Variants in VCL observed in about 807,000 individuals in gnomAD.
VCL encodes vinculin, also known as epididymis luminal protein 114.
In VCL, 47 loss-of-function variants were observed where a neutral mutation model predicts 125.7. That is an observed-to-expected ratio of 0.37 (90% CI 0.30 to 0.48). VCL has a LOEUF of 0.48. VCL is among the 20% of genes least tolerant of loss of function. The probability of loss-of-function intolerance (pLI) is 0.99; values close to 1 mark genes in which losing one functional copy is unlikely to be tolerated. For missense variants in VCL, 1,069 were observed against 1,455.5 expected (o/e 0.73, Z 4.32); for synonymous variants, 458 against 514.6 (o/e 0.89, Z 1.49).
At chr10:74,016,232 C>A (rs749028215) in intron 1 of VCL, among the ~76,000 whole-genome samples, 1 of 152,072 alleles carries the variant, frequency 6.6e-6, no homozygotes, top group Non-Finnish European at 1.5e-5. Flanking sequence ...TTAAAATTGT[C>A]ATTTCTTGTT....
At chr10:74,019,991 A>G (rs1185578877) in intron 1 of VCL, among the ~76,000 whole-genome samples, 1 of 151,842 alleles carries the variant, frequency 6.6e-6, no homozygotes, top group Non-Finnish European at 1.5e-5. Context: ...TGAACCCAGG[A>G]CTTGGAGGTT....
intron 1 of VCL, among the ~76,000 whole-genome samples, chr10:73,999,052 C>T (rs1389964612): frequency 1.3e-5 from 2 of 152,336 alleles, no homozygotes; most frequent in African/African-American, 4.8e-5. Flanking sequence ...TTTATGCAGT[C>T]ATTCGTGACC....
intron 8 of VCL, among the ~76,000 whole-genome samples, chr10:74,084,529 C>T (rs975711698): frequency 6.6e-6 from 1 of 151,446 alleles, no homozygotes; most frequent in Non-Finnish European, 1.5e-5. Context: ...TCAGGTGATC[C>T]ACCTGCCTTG....
rs1840150307 is a variant in VCL, at chr10:73,998,165, A to G, written c.-43A>G. 1 of 1,602,194 alleles carries G rather than the reference A, an allele frequency of 6.2e-7. No homozygotes were observed. Among genetic ancestry groups the G allele is most frequent in the Non-Finnish European group, 8.5e-7 (1 of 1,174,524 alleles). On this transcript the variant is annotated 5_prime_UTR_variant, in exon 1 of 22. Coordinates refer to ENST00000211998, the MANE Select transcript of VCL (RefSeq NM_014000.3). The stretch of plus-strand genomic sequence containing the variant: ...GCCGGTTCCCGGCCCCGTGGATCCT[A>G]CTTCTCTGTCGCCCGCGGTTCGCCG...
In VCL at chr10:74,115,035, C is replaced by G. The variant is rs1591720887; in HGVS notation, c.3258+136C>G. ...TATGTGGGATGCACTCAGACTGTCT[C>G]AGGAGGGGAAAGTCTGTGTTGGATA... is the stretch of plus-strand genomic sequence containing the variant. On this transcript the variant is annotated intron_variant, in intron 21 of 21. Transcript: ENST00000211998. 5.5e-6 allele frequency: 5 copies of G among 904,980 alleles called. No individual in the cohort carries two copies. In the East Asian group the frequency reaches 1.1e-4, roughly 19 times the overall value. The allele number at this position is 904,980 out of a possible 1,614,324, so 56.1% of individuals were successfully genotyped here.
chr10:74,062,711 A>T, intron 2 of VCL, among the ~76,000 whole-genome samples: 1 of 151,968 alleles, frequency 6.6e-6, no homozygotes. Flanking sequence ...TAGCCTCCTG[A>T]GTAGCTGGGA....
chr10:74,014,894 G>A (rs1351796666), intron 1 of VCL, among the ~76,000 whole-genome samples: 1 of 152,088 alleles, frequency 6.6e-6, no homozygotes, highest in Non-Finnish European at 1.5e-5. Context: ...CTGCCATGTT[G>A]CCCAAGCTGG....
chr10:74,096,735 A>C (rs969763445), intron 12 of VCL, among the ~76,000 whole-genome samples: 8 of 152,374 alleles, frequency 5.3e-5, no homozygotes, highest in Non-Finnish European at 1.0e-4. Flanking sequence ...TGGATTAAAA[A>C]ATTCCCATTC....
At chr10:74,086,191 G>A (rs1479536005) in intron 8 of VCL, among the ~76,000 whole-genome samples, 1 of 152,134 alleles carries the variant, frequency 6.6e-6, no homozygotes, top group Non-Finnish European at 1.5e-5. Context: ...TAAAGGCGTG[G>A]TTCTTAACCT....
In VCL at chr10:74,044,760, A is replaced by G. The variant is rs181275162; in HGVS notation, c.239+1607A>G. On this transcript the variant is annotated intron_variant, in intron 2 of 21. Transcript: ENST00000211998. ...ATGATGACCCCACTGGTCTATCTAGAGTAGAATGGATAAAATAATCATGGT... is the reference window on the plus strand; with the variant it reads ...ATGATGACCCCACTGGTCTATCTAGGGTAGAATGGATAAAATAATCATGGT... 2.0e-5 allele frequency among the ~76,000 whole-genome samples: 3 copies of G among 152,350 alleles called. No homozygotes were observed. In the East Asian group the frequency reaches 5.8e-4, roughly 29 times the overall value.
chr10:74,075,206 C>T (rs916184092), intron 6 of VCL: 7 of 352,624 alleles, frequency 2.0e-5, no homozygotes, highest in African/African-American at 6.3e-5. Flanking sequence ...AGTATATTCC[C>T]GTGGATGGGA....
chr10:74,034,530 A>G (rs1016976893), intron 1 of VCL, among the ~76,000 whole-genome samples: 3 of 152,208 alleles, frequency 2.0e-5, no homozygotes, highest in African/African-American at 7.2e-5. Context: ...ACTCTACTAG[A>G]GCATGCATTA....
At chr10:74,031,196 C>T (rs116999861) in intron 1 of VCL, among the ~76,000 whole-genome samples, 3,726 of 152,216 alleles carry the variant, frequency 0.024, 55 homozygotes, top group Non-Finnish European at 0.039. Flanking sequence ...AGATATAGCC[C>T]ATTACCCCAC....
intron 13 of VCL, among the ~76,000 whole-genome samples, chr10:74,098,852 T>C (rs1840009399): frequency 6.6e-6 from 1 of 152,208 alleles, no homozygotes; most frequent in African/African-American, 2.4e-5. Context: ...GGCTAGTAGA[T>C]ACATCTAGGT....
intron 7 of VCL, 34 bp downstream of exon 7, chr10:74,082,578 A>G (rs775635065): frequency 1.9e-6 from 3 of 1,604,998 alleles, no homozygotes; most frequent in Non-Finnish European, 2.6e-6. Context: ...TGATCAATAC[A>G]ACGAGAAGCT....
Position 74,074,780 on chromosome 10 carries a change from C to A in VCL, c.660C>A (p.Asn220Lys). Residue 220 changes from asparagine to lysine, a missense_variant, in exon 6 of 22, where the codon AAC becomes AAA. Physicochemically the swap from Asn to Lys is moderately conservative, Grantham distance 94. Coordinates refer to ENST00000211998, the MANE Select transcript of VCL (RefSeq NM_014000.3). ...KIFVTTKNSK[N>K]QGIEEALKNR... ...TTGTAACAACTAAAAACTCAAAAAACCAAGGCATAGAGGAAGCTTTAAAAA... is the reference window on the plus strand; with the variant it reads ...TTGTAACAACTAAAAACTCAAAAAAACAAGGCATAGAGGAAGCTTTAAAAA... The A allele has an allele frequency of 1.2e-6, 2 of 1,613,500 alleles. No individual in the cohort carries two copies. Among genetic ancestry groups the A allele is most frequent in the Non-Finnish European group, 1.7e-6 (2 of 1,179,870 alleles).
chr10:74,090,092 C>T lies in VCL; in HGVS notation c.1246C>T (p.Arg416Trp), dbSNP rs746004026. Reference protein sequence around the residue: ...EQIRGALAEARKIAELCDDPK... With the variant: ...EQIRGALAEAWKIAELCDDPK... ...GATTCGAGGTGCTTTGGCTGAAGCTCGGAAAATAGCAGAATTATGTGATGA... is the reference window on the plus strand; with the variant it reads ...GATTCGAGGTGCTTTGGCTGAAGCTTGGAAAATAGCAGAATTATGTGATGA... Residue 416 changes from arginine (R) to tryptophan (W), a missense_variant, in exon 10 of 22, where the codon CGG (arginine) becomes TGG (tryptophan). Physicochemically the swap from Arg to Trp is moderately radical, Grantham distance 101. Around this residue, in one of 6 missense-constraint regions of VCL, gnomAD observed 760 missense variants for 928.9 expected, o/e 0.82. Coordinates refer to ENST00000211998, the MANE Select transcript of VCL (RefSeq NM_014000.3). 1.1e-5 allele frequency: 18 copies of T among 1,613,958 alleles called. No homozygotes were observed. Among genetic ancestry groups the T allele is most frequent in the Admixed American group, 6.7e-5 (4 of 59,992 alleles).
intron 1 of VCL, among the ~76,000 whole-genome samples, chr10:74,035,394 A>G (rs1440695286): frequency 1.3e-5 from 2 of 152,192 alleles, no homozygotes; most frequent in Admixed American, 6.5e-5. Flanking sequence ...CTAAAGTCAC[A>G]TATTGAACAA....
chr10:74,009,907 C>T (rs919549482), intron 1 of VCL, among the ~76,000 whole-genome samples: 6 of 151,706 alleles, frequency 4.0e-5, no homozygotes, highest in Admixed American at 6.6e-5. Context: ...TGCGGCCAGC[C>T]ACCTTTTTCT....
Sources: allele counts gnomAD v4.1 joint callset (sites outside exome capture counted in the v4.1 genomes callset), GRCh38; gene constraint gnomAD v4.1.1; regional missense constraint gnomAD v4.1.1; transcripts MANE v1.5; gene names NCBI Gene and HGNC (gene_info 2026-07-23, HGNC 2026-07-21).